NEMP2: variants seen among roughly 807,000 people sequenced by gnomAD.
NEMP2 encodes the protein nuclear envelope integral membrane protein 2, also known as UPF0571 transmembrane protein.
In NEMP2, 53 loss-of-function variants were observed where a neutral mutation model predicts 54.2. The observed-to-expected ratio is 0.98, with a 90% confidence interval of 0.78 to 1.23. The LOEUF (loss-of-function observed/expected upper bound fraction) is 1.23. Ranked by LOEUF, NEMP2 falls within the 50% of genes most tolerant of loss-of-function variation. The pLI, the probability that NEMP2 is intolerant of heterozygous loss-of-function variation, is 0.00. For synonymous variants in NEMP2, 197 were observed against 190.3 expected (o/e 1.04, Z -0.29); for missense variants, 455 against 511.3 (o/e 0.89, Z 1.06).
At chr2:190,450,870 C>T in the NEMP2 span, among the ~76,000 whole-genome samples, 2 of 152,150 alleles carry the variant, frequency 1.3e-5, no homozygotes, top group Non-Finnish European at 2.9e-5. Flanking sequence ...AATAAACTTT[C>T]GGTTACATTT....
the NEMP2 span, among the ~76,000 whole-genome samples, chr2:190,460,203 A>G: frequency 6.6e-6 from 1 of 152,252 alleles, no homozygotes; most frequent in Non-Finnish European, 1.5e-5. Flanking sequence ...TCAGCTACTC[A>G]TTGAGCTATT....
At chr2:190,466,766 G>A in the NEMP2 span, among the ~76,000 whole-genome samples, 2 of 152,132 alleles carry the variant, frequency 1.3e-5, no homozygotes, top group East Asian at 1.9e-4. Flanking sequence ...GTACCTGTTT[G>A]CTCCTAAAGG....
chr2:190,602,352 G>C, the NEMP2 span, among the ~76,000 whole-genome samples: 1 of 152,210 alleles, frequency 6.6e-6, no homozygotes, highest in Admixed American at 6.5e-5. Context: ...TTGCAGACTG[G>C]AGGAGAATTC....
chr2:190,457,135 C>T, the NEMP2 span, among the ~76,000 whole-genome samples: 1 of 152,162 alleles, frequency 6.6e-6, no homozygotes, highest in African/African-American at 2.4e-5. The surrounding 1 kb of genome is among the most constrained non-coding windows in gnomAD (Gnocchi z 5.1). Context: ...GGTTTGATTT[C>T]ATGTAGGGAG....
Position 190,520,133 on chromosome 2 carries a change from A to T in NEMP2, c.214-950T>A, listed in dbSNP as rs908518036. Among the ~76,000 whole-genome samples the T allele has an allele frequency of 6.6e-6, 1 of 152,172 alleles. No individual in the cohort carries two copies. Among genetic ancestry groups the T allele is most frequent in the Non-Finnish European group, 1.5e-5 (1 of 68,024 alleles). The stretch of plus-strand genomic sequence containing the variant: ...GTTCTGGAACCAAACCCACAGTCAC[A>T]TTATCTCTGAAGTATGCCTGTAATC... On this transcript the variant is annotated intron_variant, in intron 2 of 8. Coordinates refer to ENST00000409150, the MANE Select transcript of NEMP2 (RefSeq NM_001142645.2). This position sits in a 1 kb window ranked among gnomAD's most constrained non-coding sequence, Gnocchi z 5.4.
the NEMP2 span, among the ~76,000 whole-genome samples, chr2:190,427,214 G>A: frequency 1.3e-5 from 2 of 152,192 alleles, no homozygotes; most frequent in Non-Finnish European, 2.9e-5. Flanking sequence ...CACTGATACT[G>A]TGGCCTCATT....
the NEMP2 span, among the ~76,000 whole-genome samples, chr2:190,481,000 AGC>A: frequency 6.6e-5 from 10 of 152,352 alleles, no homozygotes; most frequent in Admixed American, 6.5e-4. Context: ...TAATGACCAA[AGC>A]GTAAGGGAAA....
the NEMP2 span, among the ~76,000 whole-genome samples, chr2:190,473,354 G>C: frequency 7.9e-5 from 12 of 152,220 alleles, no homozygotes; most frequent in Admixed American, 2.0e-4. Context: ...CTCACGTGCA[G>C]AAACACACAT....
chr2:190,488,835 C>T, the NEMP2 span: 551 of 1,520,726 alleles, frequency 3.6e-4, no homozygotes, highest in Middle Eastern at 8.8e-4. The surrounding 1 kb of genome is among the most constrained non-coding windows in gnomAD (Gnocchi z 6.4). Context: ...ATGGCTTTCT[C>T]CTTTTTTTTC....
In NEMP2 at chr2:190,515,148, G is replaced by A. The variant is rs142520933; in HGVS notation, c.728-470C>T. ...ACTATAAGCTATTCTGTGTCTCTGGGTATGATCCAAGGTGAAGTGCCCATC... is the reference window on the plus strand; with the variant it reads ...ACTATAAGCTATTCTGTGTCTCTGGATATGATCCAAGGTGAAGTGCCCATC... On this transcript the variant is annotated intron_variant, in intron 6 of 8. Coordinates refer to ENST00000409150, the MANE Select transcript of NEMP2 (RefSeq NM_001142645.2). Among the ~76,000 whole-genome samples the A allele has an allele frequency of 5.6e-3, 849 of 152,268 alleles. 6 individuals are homozygous for A. The highest frequency in any genetic ancestry group is 0.019 in the African/African-American group (802 of 41,556).
At chr2:190,464,972 A>G in the NEMP2 span, 2 of 842,352 alleles carry the variant, frequency 2.4e-6, no homozygotes, top group South Asian at 1.1e-4. Flanking sequence ...GTAGGGTCTC[A>G]CAACTAACTA....
chr2:190,644,027 G>C, the NEMP2 span, among the ~76,000 whole-genome samples: 1 of 152,204 alleles, frequency 6.6e-6, no homozygotes, highest in Non-Finnish European at 1.5e-5. This position sits in a 1 kb window ranked among gnomAD's most constrained non-coding sequence, Gnocchi z 4.4. Flanking sequence ...TTTTGAGATC[G>C]TTATTCTAAA....
chr2:190,433,530 T>C, the NEMP2 span: 2 of 152,234 alleles, frequency 1.3e-5, no homozygotes, highest in Admixed American at 1.3e-4. This position sits in a 1 kb window ranked among gnomAD's most constrained non-coding sequence, Gnocchi z 4.5. Flanking sequence ...TAAATAGAGG[T>C]GGTGGCCATA....
the NEMP2 span, among the ~76,000 whole-genome samples, chr2:190,575,515 A>T: frequency 2.0e-5 from 3 of 152,122 alleles, no homozygotes; most frequent in African/African-American, 7.2e-5. Flanking sequence ...GCTTGTTAGT[A>T]CTTCTGATAA....
chr2:190,583,495 A>G, the NEMP2 span, among the ~76,000 whole-genome samples: 4 of 152,210 alleles, frequency 2.6e-5, no homozygotes, highest in Admixed American at 2.0e-4. Context: ...ATAAATACTG[A>G]TTGTCTTCAA....
chr2:190,571,257 C>A, the NEMP2 span, among the ~76,000 whole-genome samples: 1 of 152,126 alleles, frequency 6.6e-6, no homozygotes, highest in African/African-American at 2.4e-5. Context: ...AAAACCTTTT[C>A]CTTGGCCAGG....
chr2:190,554,958 A>G, the NEMP2 span, among the ~76,000 whole-genome samples: 3 of 152,210 alleles, frequency 2.0e-5, no homozygotes, highest in African/African-American at 4.8e-5. The surrounding 1 kb of genome is among the most constrained non-coding windows in gnomAD (Gnocchi z 5.7). Context: ...TTCCAGAGGA[A>G]GGAACAGGCA....
At chr2:190,501,488 G>C (rs1690022706), downstream of NEMP2, 1 of 152,178 alleles carries the variant, frequency 6.6e-6, no homozygotes, top group African/African-American at 2.4e-5. Flanking sequence ...AACCTGGGGG[G>C]AGTGTGGAAA....
chr2:190,530,975 G>T lies in NEMP2; in HGVS notation c.97+3584C>A, dbSNP rs1384037038. On this transcript the variant is annotated intron_variant, in intron 1 of 8. Transcript: ENST00000409150. The surrounding 1 kb of genome is among the most constrained non-coding windows in gnomAD (Gnocchi z 4.6). ...GGCCAGGAATTTGAGACCAGCCTGG[G>T]CAATATGGTGAAACCCTGTCTTTAC... Among the ~76,000 whole-genome samples the T allele has an allele frequency of 6.6e-6, 1 of 152,184 alleles. No homozygotes were observed. The highest frequency in any genetic ancestry group is 1.5e-5 in the Non-Finnish European group (1 of 68,022).
Sources: allele counts gnomAD v4.1 joint callset (sites outside exome capture counted in the v4.1 genomes callset), GRCh38; gene constraint gnomAD v4.1.1; non-coding constraint Gnocchi (gnomAD v3.1); transcripts MANE v1.5; gene names NCBI Gene and HGNC (gene_info 2026-07-23, HGNC 2026-07-21).